Variants in TENM3 observed in about 807,000 individuals in gnomAD.
TENM3 encodes the protein teneurin-3.
TENM3 carries 63 observed loss-of-function variants against 255.1 expected under a neutral mutation model. The observed-to-expected ratio is 0.25, with a 90% CI of 0.20 to 0.30. The LOEUF (loss-of-function observed/expected upper bound fraction) is 0.30, where lower values mean the gene tolerates loss of function less well. Among genes scored for constraint, TENM3 ranks in the 10% least tolerant of loss-of-function variants. TENM3 has a pLI of 1.00. For synonymous variants in TENM3, 1,306 were observed against 1,322.3 expected (o/e 0.99, Z 0.27); for missense variants, 2,929 against 3,461.1 (o/e 0.85, Z 3.86).
At chr4:182,728,819 A>C in intron 13 of TENM3, 146 bp from the exon 14 acceptor site, 1 of 650,070 alleles carries the variant, frequency 1.5e-6, no homozygotes, top group South Asian at 2.0e-5. Context: ...CTGGTTTCAA[A>C]AAGTATGCCT....
chr4:181,750,475 GC>G, the TENM3 span, among the ~76,000 whole-genome samples: 1 of 152,204 alleles, frequency 6.6e-6, no homozygotes, highest in East Asian at 1.9e-4. Flanking sequence ...GCTGAACTAG[GC>G]AGAGTTAACT....
intron 3 of TENM3, among the ~76,000 whole-genome samples, chr4:182,433,681 G>A (rs1019001298): frequency 3.9e-5 from 6 of 152,244 alleles, no homozygotes; most frequent in Admixed American, 6.5e-5. Flanking sequence ...ATTCAATGAG[G>A]ATTTGAACAT....
chr4:181,560,616 T>C, the TENM3 span, among the ~76,000 whole-genome samples: 1 of 152,136 alleles, frequency 6.6e-6, no homozygotes, highest in Non-Finnish European at 1.5e-5. Flanking sequence ...TCAGGAAACG[T>C]AATATGATTT....
the TENM3 span, among the ~76,000 whole-genome samples, chr4:181,895,861 A>G: frequency 1.3e-5 from 2 of 152,010 alleles, no homozygotes; most frequent in African/African-American, 2.4e-5. Context: ...TATTCTCTAT[A>G]TAAACCTTTC....
At chr4:182,156,227 T>C (rs938396772) in intron 1 of TENM3, among the ~76,000 whole-genome samples, 8 of 152,170 alleles carry the variant, frequency 5.3e-5, no homozygotes, top group Non-Finnish European at 1.0e-4. Context: ...GCTTAACTAA[T>C]ATGCAGAAAA....
chr4:181,984,255 A>C, the TENM3 span, among the ~76,000 whole-genome samples: 1 of 152,076 alleles, frequency 6.6e-6, no homozygotes, highest in African/African-American at 2.4e-5. Context: ...AACATGTTGT[A>C]TTTAATACAA....
At chr4:181,592,487 C>T in the TENM3 span, among the ~76,000 whole-genome samples, 1 of 152,006 alleles carries the variant, frequency 6.6e-6, no homozygotes, top group Admixed American at 6.6e-5. Flanking sequence ...GACTGAACAA[C>T]AGGAAGGAGT....
At chr4:182,667,445 T>C (rs1037817432) in intron 6 of TENM3, among the ~76,000 whole-genome samples, 1 of 152,174 alleles carries the variant, frequency 6.6e-6, no homozygotes, top group Non-Finnish European at 1.5e-5. Flanking sequence ...TGCCTCAGTC[T>C]CCCAAAGTGC....
the TENM3 span, among the ~76,000 whole-genome samples, chr4:181,600,438 T>C: frequency 1.3e-5 from 2 of 152,178 alleles, no homozygotes; most frequent in African/African-American, 2.4e-5. Flanking sequence ...TTCCTGGCCC[T>C]GGCACTTTTG....
At chr4:181,849,562 A>T in the TENM3 span, among the ~76,000 whole-genome samples, 1 of 152,348 alleles carries the variant, frequency 6.6e-6, no homozygotes, top group South Asian at 2.1e-4. Flanking sequence ...AAAAAGCATT[A>T]TAGTATTTCT....
At chr4:181,761,142 C>A in the TENM3 span, among the ~76,000 whole-genome samples, 1 of 151,968 alleles carries the variant, frequency 6.6e-6, no homozygotes, top group Non-Finnish European at 1.5e-5. Flanking sequence ...CAAGAGTTCA[C>A]GGTTTTATTG....
chr4:182,413,985 G>A (rs1280499665), intron 3 of TENM3, among the ~76,000 whole-genome samples: 1 of 152,114 alleles, frequency 6.6e-6, no homozygotes, highest in African/African-American at 2.4e-5. Context: ...CCACAAAAGT[G>A]TACTATTGTT....
the TENM3 span, among the ~76,000 whole-genome samples, chr4:181,716,766 G>GT: frequency 6.6e-6 from 1 of 152,172 alleles, no homozygotes; most frequent in African/African-American, 2.4e-5. Flanking sequence ...CTTAACTTAT[G>GT]TATGCAGAGT....
chr4:182,348,778 A>G (rs1764992594), intron 3 of TENM3, among the ~76,000 whole-genome samples: 1 of 152,132 alleles, frequency 6.6e-6, no homozygotes, highest in Non-Finnish European at 1.5e-5. Flanking sequence ...ATCCCCAAAC[A>G]TATGTATTTT....
At chr4:182,707,411 G>A (rs546726540) in intron 12 of TENM3, among the ~76,000 whole-genome samples, 12 of 152,240 alleles carry the variant, frequency 7.9e-5, no homozygotes, top group African/African-American at 2.6e-4. Context: ...AGAGACCTGA[G>A]AGTCCAGGTC....
the TENM3 span, among the ~76,000 whole-genome samples, chr4:181,631,987 A>G: frequency 6.6e-6 from 1 of 152,226 alleles, no homozygotes; most frequent in African/African-American, 2.4e-5. Context: ...TGAGTTTTTT[A>G]GAGTAAGATA....
chr4:182,614,679 C>A (rs1193291898), intron 4 of TENM3, among the ~76,000 whole-genome samples: 1 of 151,990 alleles, frequency 6.6e-6, no homozygotes, highest in Non-Finnish European at 1.5e-5. Context: ...GTACTTTTTC[C>A]TTTCCTCATA....
At chr4:182,361,137 C>G (rs972374870) in intron 3 of TENM3, among the ~76,000 whole-genome samples, 1 of 152,174 alleles carries the variant, frequency 6.6e-6, no homozygotes, top group Admixed American at 6.5e-5. Context: ...CGACCTTTCT[C>G]TCTGGCTGCC....
chr4:182,237,742 T>C (rs1480235272), intron 1 of TENM3, among the ~76,000 whole-genome samples: 1 of 152,224 alleles, frequency 6.6e-6, no homozygotes, highest in Non-Finnish European at 1.5e-5. Flanking sequence ...ATGTTAACAT[T>C]TCTTCCATAA....
Sources: gnomAD v4.1 joint callset for allele counts (sites outside exome capture counted in the v4.1 genomes callset) on GRCh38, gnomAD v4.1.1 for gene constraint, MANE v1.5 for transcripts, NCBI Gene and HGNC (gene_info 2026-07-23, HGNC 2026-07-21) for gene names.